Variants in XKR4 observed in about 807,000 individuals in gnomAD.
XKR4 encodes XK related 4.
Under a neutral mutation model 53.9 loss-of-function variants are expected in XKR4, and 12 were observed. The ratio of observed to expected loss-of-function variants is 0.22; its 90% CI spans 0.14 to 0.36. The LOEUF (loss-of-function observed/expected upper bound fraction) is 0.36. Among genes scored for constraint, XKR4 ranks in the 10% least tolerant of loss-of-function variants. The pLI is 1.00. For synonymous variants in XKR4, 354 were observed against 362.4 expected (o/e 0.98, Z 0.26); for missense variants, 799 against 859.5 (o/e 0.93, Z 0.88).
chr8:55,476,433 C>T (rs190663026), intron 2 of XKR4, among the ~76,000 whole-genome samples: 1 of 152,230 alleles, frequency 6.6e-6, no homozygotes, highest in African/African-American at 2.4e-5. Context: ...ACATCTGAGC[C>T]AAGATGGCCG....
Position 55,349,712 on chromosome 8 carries a change from C to T in XKR4, c.807-7966C>T, listed in dbSNP as rs974725622. Among the ~76,000 whole-genome samples the T allele has an allele frequency of 2.6e-5, 4 of 152,130 alleles. No homozygotes were observed. The East Asian group carries it at 5.8e-4, about 22-fold the overall frequency. ...TAAACCTTAATAAGAATAAAAGTCA[C>T]TAATCGAACATGCATTTTGTCCACC... On this transcript the variant is annotated intron_variant, in intron 1 of 2. Coordinates refer to ENST00000327381, the MANE Select transcript of XKR4 (RefSeq NM_052898.2).
intron 2 of XKR4, among the ~76,000 whole-genome samples, chr8:55,476,013 T>C (rs1281448978): frequency 6.6e-6 from 1 of 152,130 alleles, no homozygotes; most frequent in Non-Finnish European, 1.5e-5. Flanking sequence ...TCCAAAGTGC[T>C]GGGATTACAG....
chr8:55,395,594 A>G (rs1174489373), intron 2 of XKR4, among the ~76,000 whole-genome samples: 1 of 152,120 alleles, frequency 6.6e-6, no homozygotes, highest in Non-Finnish European at 1.5e-5. Flanking sequence ...GGTCTTTGAG[A>G]GGAGAATGGC....
chr8:55,374,178 T>C (rs1197574546), intron 2 of XKR4, among the ~76,000 whole-genome samples: 1 of 152,236 alleles, frequency 6.6e-6, no homozygotes, highest in Non-Finnish European at 1.5e-5. Flanking sequence ...CATTATTTAG[T>C]GTATATTACA....
chr8:55,207,138 G>A (rs971540587), intron 1 of XKR4, among the ~76,000 whole-genome samples: 30 of 152,192 alleles, frequency 2.0e-4, no homozygotes, highest in Admixed American at 1.0e-3. Flanking sequence ...GTGCTCTGCT[G>A]TCCCGTTCTC....
At chr8:55,395,243 C>T (rs1257781909) in intron 2 of XKR4, among the ~76,000 whole-genome samples, 1 of 152,018 alleles carries the variant, frequency 6.6e-6, no homozygotes, top group East Asian at 1.9e-4. Context: ...CACCTCTTCC[C>T]ATGAGAACCA....
chr8:55,482,468 G>C (rs1316277137), intron 2 of XKR4, among the ~76,000 whole-genome samples: 1 of 151,990 alleles, frequency 6.6e-6, no homozygotes, highest in Non-Finnish European at 1.5e-5. Flanking sequence ...AATGGGTGCA[G>C]CACACCAACA....
At chr8:55,403,447 C>T (rs1012654307) in intron 2 of XKR4, among the ~76,000 whole-genome samples, 1 of 152,176 alleles carries the variant, frequency 6.6e-6, no homozygotes, top group East Asian at 1.9e-4. Context: ...TTTTTAGGCA[C>T]CTGTCAGTGA....
At chr8:55,159,715 T>C (rs1015859367) in intron 1 of XKR4, among the ~76,000 whole-genome samples, 2 of 152,146 alleles carry the variant, frequency 1.3e-5, no homozygotes, top group African/African-American at 4.8e-5. Context: ...TAAGATTCCA[T>C]TTGTCTGTTG....
At chr8:55,290,676 A>G (rs1000378765) in intron 1 of XKR4, among the ~76,000 whole-genome samples, 1 of 151,964 alleles carries the variant, frequency 6.6e-6, no homozygotes, top group African/African-American at 2.4e-5. Flanking sequence ...TCATCTGTAT[A>G]TCCTCCTTGG....
At chr8:55,393,457 A>AG (rs1804473342) in intron 2 of XKR4, among the ~76,000 whole-genome samples, 1 of 126,096 alleles carries the variant, frequency 7.9e-6, no homozygotes, top group Non-Finnish European at 1.9e-5. Context: ...GAAGGAAGGA[A>AG]GAAAGGAAGG....
At position 55,377,494 on chromosome 8, in the gene XKR4, C is replaced by T. The variant is rs182638283; in HGVS notation, c.1006+19617C>T. On this transcript the variant is annotated intron_variant, in intron 2 of 2. Transcript: ENST00000327381. The stretch of plus-strand genomic sequence containing the variant: ...AGTATCTACCTTACAGCCAAGGCAG[C>T]GCTAGCAAATAATCTCAGAAAATGA... Among the ~76,000 whole-genome samples, 17 of 152,154 alleles carry T rather than the reference C, an allele frequency of 1.1e-4. No homozygotes were observed. The South Asian group carries it at 1.2e-3, about 11-fold the overall frequency.
At chr8:55,241,270 C>T (rs1252919948) in intron 1 of XKR4, among the ~76,000 whole-genome samples, 1 of 152,148 alleles carries the variant, frequency 6.6e-6, no homozygotes, top group Non-Finnish European at 1.5e-5. Context: ...GTTTCTCTTC[C>T]CTCATAGATC....
intron 1 of XKR4, among the ~76,000 whole-genome samples, chr8:55,306,561 GA>G: frequency 6.6e-6 from 1 of 152,274 alleles, no homozygotes; most frequent in South Asian, 2.1e-4. Context: ...ATGGCAGCAG[GA>G]AATAAAGAGC....
At chr8:55,455,225 C>T (rs1259119656) in intron 2 of XKR4, 5 of 323,374 alleles carry the variant, frequency 1.5e-5, no homozygotes, top group South Asian at 1.4e-4. Context: ...ACCGCACACC[C>T]GGGACACCCC....
intron 1 of XKR4, among the ~76,000 whole-genome samples, chr8:55,341,788 G>A (rs951806890): frequency 6.6e-6 from 1 of 152,066 alleles, no homozygotes; most frequent in Non-Finnish European, 1.5e-5. Context: ...ACCTCCCTGA[G>A]AGAAGCTGGA....
At chr8:55,321,895 A>G (rs1470120656) in intron 1 of XKR4, among the ~76,000 whole-genome samples, 4 of 152,222 alleles carry the variant, frequency 2.6e-5, no homozygotes, top group Non-Finnish European at 5.9e-5. Context: ...AGGCTGAGGC[A>G]GGAGAATCTC....
At chr8:55,480,967 T>C (rs534525581) in intron 2 of XKR4, among the ~76,000 whole-genome samples, 1 of 152,294 alleles carries the variant, frequency 6.6e-6, no homozygotes, top group Non-Finnish European at 1.5e-5. Flanking sequence ...AAAATGGACA[T>C]ACTGCACAAG....
chr8:55,248,014 C>A (rs550353230), intron 1 of XKR4, among the ~76,000 whole-genome samples: 1 of 151,788 alleles, frequency 6.6e-6, no homozygotes, highest in South Asian at 2.1e-4. Flanking sequence ...TGCCACTACA[C>A]CCAGCTAATT....
Sources: gnomAD v4.1 joint callset for allele counts (sites outside exome capture counted in the v4.1 genomes callset) on GRCh38, gnomAD v4.1.1 for gene constraint, MANE v1.5 for transcripts, NCBI Gene and HGNC (gene_info 2026-07-23, HGNC 2026-07-21) for gene names.